CDH4: variants seen among roughly 807,000 people sequenced by gnomAD.
The protein encoded by CDH4 is cadherin 4, also known as cadherin-4.
CDH4 carries 33 observed loss-of-function variants against 86.0 expected under a neutral mutation model. The ratio of observed to expected loss-of-function variants is 0.38; its 90% confidence interval spans 0.29 to 0.51. The LOEUF (loss-of-function observed/expected upper bound fraction) is 0.51, where lower values mean the gene tolerates loss of function less well. Among genes scored for constraint, CDH4 ranks in the 20% least tolerant of loss-of-function variants. CDH4 has a pLI of 0.86. For missense variants in CDH4, 1,114 were observed against 1,307.4 expected (o/e 0.85, Z 2.28); for synonymous variants, 555 against 549.4 (o/e 1.01, Z -0.14).
intron 3 of CDH4, among the ~76,000 whole-genome samples, chr20:61,758,324 G>A (rs2088590569): frequency 6.6e-6 from 1 of 152,212 alleles, no homozygotes; most frequent in Non-Finnish European, 1.5e-5. Context: ...GCCAGCCCCA[G>A]TCACAACGTA....
chr20:61,312,035 G>A (rs371132380), intron 2 of CDH4, among the ~76,000 whole-genome samples: 1 of 151,878 alleles, frequency 6.6e-6, no homozygotes, highest in Non-Finnish European at 1.5e-5. Context: ...TTGCATGGGT[G>A]TTGTGTGTGA....
In CDH4 at chr20:61,887,652, C is replaced by T. The variant is rs138555409; in HGVS notation, c.1051-7258C>T. On this transcript the variant is annotated intron_variant, in intron 7 of 15. Transcript: ENST00000614565. ...ACAGCCAGGGGTGGCTTCCATGAAC[C>T]GGCTCTGATTGGATGACTGAAGAAA... 5.6e-4 allele frequency among the ~76,000 whole-genome samples: 85 copies of T among 152,310 alleles called. 1 individual carries two copies. The highest frequency in any genetic ancestry group is 1.5e-3 in the African/African-American group (64 of 41,564).
At position 61,934,190 on chromosome 20, in the gene CDH4, C is replaced by T. The variant is rs1020235376; in HGVS notation, c.2514C>T (p.His838=). The T allele has an allele frequency of 2.5e-6, 4 of 1,581,168 alleles. No individual in the cohort carries two copies. Among genetic ancestry groups the T allele is most frequent in the East Asian group, 2.3e-5 (1 of 43,804 alleles). ...ACCCGATCAGGCCCATGGTGCCGCA[C>T]CCAGGCGACATCGGTGACTTCATCA... The part of the protein sequence containing the change: ...PQYPIRPMVP[H]PGDIGDFINE... The change falls in exon 15 of 16, where the codon CAC becomes CAT. Residue 838 remains histidine, a synonymous_variant. Transcript: ENST00000614565.
intron 2 of CDH4, among the ~76,000 whole-genome samples, chr20:61,328,845 G>A (rs1032395161): frequency 6.6e-6 from 1 of 152,148 alleles, no homozygotes; most frequent in African/African-American, 2.4e-5. Flanking sequence ...GAGGACCTTG[G>A]CCTTTCCTAT....
intron 11 of CDH4, among the ~76,000 whole-genome samples, chr20:61,927,753 G>T (rs756026588): frequency 6.6e-6 from 1 of 152,236 alleles, no homozygotes; most frequent in Non-Finnish European, 1.5e-5. Context: ...GTGAGTCCCC[G>T]GTGCGTGGCT....
intron 6 of CDH4, among the ~76,000 whole-genome samples, chr20:61,867,097 CCA>C (rs1043309494): frequency 6.6e-6 from 1 of 152,164 alleles, no homozygotes; most frequent in Non-Finnish European, 1.5e-5. Context: ...TTCCAGGTGC[CCA>C]CACACACACA....
In CDH4 at chr20:61,472,191, G is replaced by C. The variant is rs187315985; in HGVS notation, c.169+217254G>C. On this transcript the variant is annotated intron_variant, in intron 2 of 15. Coordinates refer to ENST00000614565, the MANE Select transcript of CDH4 (RefSeq NM_001794.5). Reference sequence around the variant, plus strand: ...TTAGATATCTGGGTGATCCCTTGTTGGGCGCATATGTATTTATAATTGTTA... The same window carrying C: ...TTAGATATCTGGGTGATCCCTTGTTCGGCGCATATGTATTTATAATTGTTA... Among the ~76,000 whole-genome samples, 622 of 152,184 alleles carry C rather than the reference G, an allele frequency of 4.1e-3. 3 individuals carry two copies. The highest frequency in any genetic ancestry group is 0.017 in the Middle Eastern group (5 of 294).
At chr20:61,856,761 G>A (rs549561399) in intron 6 of CDH4, among the ~76,000 whole-genome samples, 2 of 152,334 alleles carry the variant, frequency 1.3e-5, no homozygotes, top group South Asian at 2.1e-4. Context: ...GGCAGGCACC[G>A]TGGCCGGCTC....
rs144597836 is a variant in CDH4 at position 61,342,677 on chromosome 20, G to A, written c.169+87740G>A. Among the ~76,000 whole-genome samples the A allele has an allele frequency of 5.5e-3, 834 of 152,258 alleles. 8 individuals are homozygous for A. Among genetic ancestry groups the A allele is most frequent in the East Asian group, 0.019 (99 of 5,168 alleles). On this transcript the variant is annotated intron_variant, in intron 2 of 15. Transcript: ENST00000614565. ...TCCAGTCCCGGGGGTTGGGGACCCC[G>A]ACTCAGACCATTCATTCTGCCCTGG...
At chr20:61,598,137 C>T (rs1413646954) in intron 2 of CDH4, among the ~76,000 whole-genome samples, 2 of 152,160 alleles carry the variant, frequency 1.3e-5, no homozygotes, top group Admixed American at 6.5e-5. Context: ...GGTGACCCGC[C>T]GGGGACTTGC....
chr20:61,422,372 C>T (rs2427089), intron 2 of CDH4, among the ~76,000 whole-genome samples: 30,992 of 131,594 alleles, frequency 0.24, 4,116 homozygotes, highest in East Asian at 0.56. Flanking sequence ...TGCAGTGAGC[C>T]GAGATCGTGC....
At position 61,815,842 on chromosome 20, in the gene CDH4, C is replaced by A. The variant is rs375489467; in HGVS notation, c.577-28826C>A. Among the ~76,000 whole-genome samples, 20 of 152,332 alleles carry A rather than the reference C, an allele frequency of 1.3e-4. No homozygotes were observed. The South Asian group carries it at 3.3e-3, about 25-fold the overall frequency. On this transcript the variant is annotated intron_variant, in intron 4 of 15. Transcript: ENST00000614565. ...CAGAAATGCAAAGCTCCCACTTGCCCAGGTTTGGAACCAGGACTGTGTTTA... is the reference window on the plus strand; with the variant it reads ...CAGAAATGCAAAGCTCCCACTTGCCAAGGTTTGGAACCAGGACTGTGTTTA...
chr20:61,738,306 C>G (rs969014005), intron 2 of CDH4: 1 of 152,236 alleles, frequency 6.6e-6, no homozygotes, highest in African/African-American at 2.4e-5. Flanking sequence ...GAGATGCGTG[C>G]GGCAGGTAGC....
intron 2 of CDH4, among the ~76,000 whole-genome samples, chr20:61,705,980 G>A (rs2087825230): frequency 6.6e-6 from 1 of 152,194 alleles, no homozygotes. Context: ...AGGCGCCTGT[G>A]GATTTCTCCC....
intron 4 of CDH4, among the ~76,000 whole-genome samples, chr20:61,778,846 T>A (rs1408011860): frequency 6.6e-6 from 1 of 152,204 alleles, no homozygotes; most frequent in Non-Finnish European, 1.5e-5. Flanking sequence ...CAGGACGCCC[T>A]CCCTGGTCCA....
intron 4 of CDH4, among the ~76,000 whole-genome samples, chr20:61,800,296 C>T (rs8125000): frequency 0.013 from 2,054 of 152,328 alleles, 49 homozygotes; most frequent in African/African-American, 0.047. Flanking sequence ...CAGAGCTCCT[C>T]GCCCCATGAC....
intron 8 of CDH4, among the ~76,000 whole-genome samples, chr20:61,905,189 G>A (rs981602125): frequency 4.6e-5 from 7 of 152,204 alleles, no homozygotes; most frequent in African/African-American, 9.6e-5. Context: ...TCCTTGTGTC[G>A]GAAAATCTGA....
chr20:61,575,605 A>G (rs555974827), intron 2 of CDH4, among the ~76,000 whole-genome samples: 15 of 152,386 alleles, frequency 9.8e-5, no homozygotes, highest in Admixed American at 7.8e-4. Context: ...CACACACGCC[A>G]TATCTGGCCC....
intron 2 of CDH4, among the ~76,000 whole-genome samples, chr20:61,345,176 G>A (rs967360504): frequency 5.3e-5 from 8 of 152,272 alleles, no homozygotes; most frequent in African/African-American, 1.9e-4. Flanking sequence ...TGTGCATTTC[G>A]GGCCAGGCCC....
Sources: gnomAD v4.1 joint callset for allele counts (sites outside exome capture counted in the v4.1 genomes callset) on GRCh38, gnomAD v4.1.1 for gene constraint, MANE v1.5 for transcripts, NCBI Gene and HGNC (gene_info 2026-07-23, HGNC 2026-07-21) for gene names.